Variants in PCDHGA2 observed in about 807,000 individuals in gnomAD.
The protein encoded by PCDHGA2 is protocadherin gamma-A2.
In PCDHGA2, 40 loss-of-function variants were observed where a neutral mutation model predicts 59.2. That is an observed-to-expected ratio of 0.68 (90% confidence interval 0.52 to 0.88). PCDHGA2 has a LOEUF of 0.88. Ranked by LOEUF, PCDHGA2 falls within the 40% of genes least tolerant of loss-of-function variation. PCDHGA2 has a pLI of 0.00. For missense variants in PCDHGA2, 1,226 were observed against 1,204.0 expected, an observed-to-expected ratio of 1.02 and a Z score of -0.27; for synonymous variants, 560 against 526.0, an observed-to-expected ratio of 1.06 and a Z score of -0.89.
At chr5:141,357,706 T>C in intron 1 of PCDHGA2, 1 of 1,481,654 alleles carries the variant, frequency 6.7e-7, no homozygotes, top group South Asian at 1.3e-5. Flanking sequence ...ATGTAATATA[T>C]CAAATAAAGT....
Position 141,487,229 on chromosome 5 carries a change from G to A in PCDHGA2, c.2425-7578G>A. On this transcript the variant is annotated intron_variant, in intron 1 of 3. Coordinates refer to ENST00000394576, the MANE Select transcript of PCDHGA2 (RefSeq NM_018915.4). The surrounding 1 kb of genome is among the most constrained non-coding windows in gnomAD (Gnocchi z 5.0). ...AGAATCTTCAGCTCCAAGGGAAGGA[G>A]AATCTCGTCTAACCCTCTACTTGGC... is the stretch of plus-strand genomic sequence containing the variant. The A allele has an allele frequency of 6.2e-7, 1 of 1,614,138 alleles. No individual in the cohort carries two copies. The highest frequency in any genetic ancestry group is 8.5e-7 in the Non-Finnish European group (1 of 1,179,994).
At chr5:141,369,791 C>T (rs1275823255) in intron 1 of PCDHGA2, among the ~76,000 whole-genome samples, 1 of 152,190 alleles carries the variant, frequency 6.6e-6, no homozygotes, top group African/African-American at 2.4e-5. Flanking sequence ...CTTTATACTA[C>T]GTCTTCTGCC....
chr5:141,396,911 T>C (rs756096789), intron 1 of PCDHGA2, among the ~76,000 whole-genome samples: 3 of 152,238 alleles, frequency 2.0e-5, no homozygotes, highest in Non-Finnish European at 4.4e-5. Context: ...CACTTTGCAA[T>C]TTTAAAAACT....
chr5:141,396,814 G>C (rs573559857), intron 1 of PCDHGA2, among the ~76,000 whole-genome samples: 10 of 152,322 alleles, frequency 6.6e-5, no homozygotes, highest in African/African-American at 2.2e-4. Flanking sequence ...GTGTTCTACT[G>C]TATGGTGCAT....
In PCDHGA2 at chr5:141,489,705, C is replaced by G; in HGVS notation, c.2425-5102C>G. The G allele has an allele frequency of 6.2e-7, 1 of 1,614,022 alleles. No homozygotes were observed. The highest frequency in any genetic ancestry group is 1.1e-5 in the South Asian group (1 of 91,074). ...CATCTGGGGCACGATTCCCACTGGA[C>G]AGTGCCCAGGATCCGGATGTGGGCA... On this transcript the variant is annotated intron_variant, in intron 1 of 3. Coordinates refer to ENST00000394576, the MANE Select transcript of PCDHGA2 (RefSeq NM_018915.4). The surrounding 1 kb of genome is among the most constrained non-coding windows in gnomAD (Gnocchi z 4.5).
chr5:141,491,152 G>A lies in PCDHGA2; in HGVS notation c.2425-3655G>A. 1 of 1,614,168 alleles carries A rather than the reference G, an allele frequency of 6.2e-7. No homozygotes were observed. The highest frequency in any genetic ancestry group is 8.5e-7 in the Non-Finnish European group (1 of 1,179,990). On this transcript the variant is annotated intron_variant, in intron 1 of 3. Transcript: ENST00000394576. The surrounding 1 kb of genome is among the most constrained non-coding windows in gnomAD (Gnocchi z 6.9). ...CACAGCCCGGGCCTTACTGGAGGAT[G>A]ACTCTGACACCCAGCAGGTGGTGGT...
intron 1 of PCDHGA2, chr5:141,392,777 A>T (rs1226924811): frequency 6.5e-7 from 1 of 1,529,322 alleles, no homozygotes; most frequent in Admixed American, 2.2e-5. Context: ...ATTTATGCAC[A>T]GTGAAGATTC....
In PCDHGA2 at chr5:141,432,866, G is replaced by C. The variant is rs139832920; in HGVS notation, c.2425-61941G>C. 8 of 1,614,152 alleles carry C rather than the reference G, an allele frequency of 5.0e-6. No individual in the cohort carries two copies. Among genetic ancestry groups the C allele is most frequent in the South Asian group, 2.2e-5 (2 of 91,074 alleles). On this transcript the variant is annotated intron_variant, in intron 1 of 3. Coordinates refer to ENST00000394576, the MANE Select transcript of PCDHGA2 (RefSeq NM_018915.4). The surrounding 1 kb of genome is among the most constrained non-coding windows in gnomAD (Gnocchi z 6.0). ...GGTAGCGGTGGCCGCGGTCTCCTGC[G>C]TCTTCCTGGCCTTCGTCATCTTGCT...
intron 1 of PCDHGA2, among the ~76,000 whole-genome samples, chr5:141,467,062 T>C (rs2099136058): frequency 6.6e-6 from 1 of 151,686 alleles, no homozygotes; most frequent in South Asian, 2.1e-4. Context: ...TTTCTTTTTT[T>C]TTTTTTTTTA....
chr5:141,489,293 T>G lies in PCDHGA2; in HGVS notation c.2425-5514T>G. The G allele has an allele frequency of 6.3e-7, 1 of 1,579,940 alleles. No homozygotes were observed. Among genetic ancestry groups the G allele is most frequent in the Non-Finnish European group, 8.6e-7 (1 of 1,162,928 alleles). ...GCTGGGAAATGGCAAGTGCTGTGCA[T>G]GTTGTCCTTGTGCTGCTGGGGCTGG... On this transcript the variant is annotated intron_variant, in intron 1 of 3. Transcript: ENST00000394576. This position sits in a 1 kb window ranked among gnomAD's most constrained non-coding sequence, Gnocchi z 4.5.
intron 1 of PCDHGA2, chr5:141,344,208 C>T (rs1423038404): frequency 6.2e-7 from 1 of 1,613,934 alleles, no homozygotes; most frequent in African/African-American, 1.3e-5. Context: ...GCCCCGGGAG[C>T]TGGCGGAGCG....
intron 1 of PCDHGA2, chr5:141,376,291 C>A (rs780024608): frequency 6.2e-7 from 1 of 1,614,158 alleles, no homozygotes; most frequent in South Asian, 1.1e-5. Flanking sequence ...CGAGCATGCC[C>A]GGCTCGCACT....
At position 141,511,516 on chromosome 5, in the gene PCDHGA2, T is replaced by A. The variant is rs2099883825; in HGVS notation, c.*343T>A. ...CTTCCAAATCAATCAGGCCCATCCA[T>A]CCCATGCCTCCCTCCTCCCCACCCC... is the stretch of plus-strand genomic sequence containing the variant. On this transcript the variant is annotated 3_prime_UTR_variant, in exon 4 of 4. Transcript: ENST00000394576. 1 of 365,020 alleles carries A rather than the reference T, an allele frequency of 2.7e-6. No individual in the cohort carries two copies. Among genetic ancestry groups the A allele is most frequent in the Admixed American group, 4.0e-5 (1 of 25,162 alleles). The allele number at this position is 365,020 out of a possible 1,614,324, so 22.6% of individuals were successfully genotyped here.
chr5:141,491,932 G>A lies in PCDHGA2; in HGVS notation c.2425-2875G>A. Reference sequence around the variant, plus strand: ...GGCGACTGTGGGCGAGGGGAGGTGGGACCGACCCCCACCCCTACACTCAAA... The same window carrying A: ...GGCGACTGTGGGCGAGGGGAGGTGGAACCGACCCCCACCCCTACACTCAAA... On this transcript the variant is annotated intron_variant, in intron 1 of 3. Transcript: ENST00000394576. This position sits in a 1 kb window ranked among gnomAD's most constrained non-coding sequence, Gnocchi z 6.9. 1 of 1,259,014 alleles carries A rather than the reference G, an allele frequency of 7.9e-7. No homozygotes were observed. The highest frequency in any genetic ancestry group is 1.1e-6 in the Non-Finnish European group (1 of 926,048). The allele number at this position is 1,259,014 out of a possible 1,614,324, so 78.0% of individuals were successfully genotyped here. A position where few individuals can be genotyped will look rare whatever the true frequency, so the allele number is the denominator to read the frequency against.
chr5:141,364,415 G>T (rs368621667), intron 1 of PCDHGA2: 47 of 1,612,964 alleles, frequency 2.9e-5, no homozygotes, highest in Admixed American at 1.2e-4. Flanking sequence ...GCCAGGATCC[G>T]GGCAGATCCG....
Position 141,494,770 on chromosome 5 carries a change from C to T in PCDHGA2, c.2425-37C>T, listed in dbSNP as rs767006872. 43 of 1,614,022 alleles carry T rather than the reference C, an allele frequency of 2.7e-5. No homozygotes were observed. In the East Asian group the frequency reaches 7.6e-4, roughly 28 times the overall value. On this transcript the variant is annotated intron_variant, in intron 1 of 3. Coordinates refer to ENST00000394576, the MANE Select transcript of PCDHGA2 (RefSeq NM_018915.4). ...GCTCGGGTGACATTCTAACTTCTCA[C>T]GGGTACTCAGCCCCTTTCCCTCTGT...
At position 141,345,510 on chromosome 5, in the gene PCDHGA2, G is replaced by A. The variant is rs778058001; in HGVS notation, c.2424+4115G>A. On this transcript the variant is annotated intron_variant, in intron 1 of 3. Transcript: ENST00000394576. ...CGCCCGCATCACTTATGCATTGACCGAGGACACTCTCCAGGGGGCGCCCCT... is the reference window on the plus strand; with the variant it reads ...CGCCCGCATCACTTATGCATTGACCAAGGACACTCTCCAGGGGGCGCCCCT... 10 of 1,613,982 alleles carry A rather than the reference G, an allele frequency of 6.2e-6. No individual in the cohort carries two copies. In the African/African-American group the frequency reaches 6.7e-5, roughly 11 times the overall value.
rs368231432 is a variant in PCDHGA2 at position 141,374,734 on chromosome 5, C to T, written c.2424+33339C>T. On this transcript the variant is annotated intron_variant, in intron 1 of 3. Coordinates refer to ENST00000394576, the MANE Select transcript of PCDHGA2 (RefSeq NM_018915.4). ...GCCTGGTCCTTACTGCCATGGATGGCGGCGACCCTGTCCGCTCAAGCGTCG... is the reference window on the plus strand; with the variant it reads ...GCCTGGTCCTTACTGCCATGGATGGTGGCGACCCTGTCCGCTCAAGCGTCG... 43 of 1,610,046 alleles carry T rather than the reference C, an allele frequency of 2.7e-5. 2 individuals are homozygous for T. In the South Asian group the frequency reaches 4.2e-4, roughly 16 times the overall value.
Position 141,361,130 on chromosome 5 carries a change from GT to G in PCDHGA2, c.2424+19736del, listed in dbSNP as rs780553353. On this transcript the variant is annotated intron_variant, in intron 1 of 3. Coordinates refer to ENST00000394576, the MANE Select transcript of PCDHGA2 (RefSeq NM_018915.4). ...CCTGGAGATCTAGCAGCCCACTGCA[GT>G]ATCCAAGTTGAAATTCTTGATGACA... The G allele has an allele frequency of 1.2e-4, 192 of 1,613,888 alleles. 1 individual carries two copies. The Admixed American group carries it at 3.2e-3, about 27-fold the overall frequency.
Sources: allele counts gnomAD v4.1 joint callset (sites outside exome capture counted in the v4.1 genomes callset), GRCh38; gene constraint gnomAD v4.1.1; non-coding constraint Gnocchi (gnomAD v3.1); transcripts MANE v1.5; gene names NCBI Gene and HGNC (gene_info 2026-07-23, HGNC 2026-07-21).